PDE7B: variants seen among roughly 807,000 people sequenced by gnomAD.
PDE7B encodes phosphodiesterase 7B.
PDE7B carries 29 observed loss-of-function variants against 56.2 expected under a neutral mutation model. The observed-to-expected ratio is 0.52, with a 90% CI of 0.38 to 0.70. PDE7B has a LOEUF of 0.70. Ranked by LOEUF, PDE7B falls within the 30% of genes least tolerant of loss-of-function variation. The pLI, the probability that PDE7B is intolerant of heterozygous loss-of-function variation, is 0.00. For missense variants in PDE7B, 490 were observed against 565.0 expected, an observed-to-expected ratio of 0.87 and a Z score of 1.35; for synonymous variants, 197 against 196.9, an observed-to-expected ratio of 1.00 and a Z score of 0.00.
At chr6:136,173,522 G>T (rs1232000502) in intron 8 of PDE7B, among the ~76,000 whole-genome samples, 1 of 152,158 alleles carries the variant, frequency 6.6e-6, no homozygotes, top group Non-Finnish European at 1.5e-5. Context: ...TGGAAGAGGG[G>T]CAGAGGCAGG....
intron 2 of PDE7B, among the ~76,000 whole-genome samples, chr6:136,063,659 C>T (rs1005187029): frequency 5.3e-5 from 8 of 152,216 alleles, no homozygotes; most frequent in African/African-American, 1.7e-4. Context: ...GGCCATAAGG[C>T]AGCCCCGCCC....
At chr6:135,937,636 A>C (rs1774444843) in intron 1 of PDE7B, among the ~76,000 whole-genome samples, 1 of 152,204 alleles carries the variant, frequency 6.6e-6, no homozygotes, top group Non-Finnish European at 1.5e-5. Context: ...GGATGTAGCC[A>C]GTTTGGCTGA....
At chr6:136,016,452 C>T (rs1173405797) in intron 2 of PDE7B, among the ~76,000 whole-genome samples, 1 of 152,174 alleles carries the variant, frequency 6.6e-6, no homozygotes, top group Non-Finnish European at 1.5e-5. Context: ...TACCTGGCAC[C>T]TAATAAGCGC....
At chr6:136,037,655 T>A in intron 2 of PDE7B, 1 of 985,418 alleles carries the variant, frequency 1.0e-6, no homozygotes, top group Non-Finnish European at 1.2e-6. Flanking sequence ...CCTGAGCCTG[T>A]ACCACAGGGG....
rs1014435470 is a variant in PDE7B, at chr6:135,930,831, A to G, written c.22-16633A>G. ...CTACAATATACTTTCATGATTTGCC[A>G]TAAGATTTCTGAGGCTACTTGGAGT... is the stretch of plus-strand genomic sequence containing the variant. On this transcript the variant is annotated intron_variant, in intron 1 of 12. Transcript: ENST00000308191. Among the ~76,000 whole-genome samples, 9 of 152,340 alleles carry G rather than the reference A, an allele frequency of 5.9e-5. No individual in the cohort carries two copies. In the South Asian group the frequency reaches 1.9e-3, roughly 32 times the overall value.
At chr6:136,061,048 C>A (rs1036270262) in intron 2 of PDE7B, among the ~76,000 whole-genome samples, 3 of 151,946 alleles carry the variant, frequency 2.0e-5, no homozygotes, top group Non-Finnish European at 2.9e-5. Flanking sequence ...AAGGCAAATA[C>A]TATGAAGTTG....
Position 135,899,428 on chromosome 6 carries a change from AATATAG to A in PDE7B, c.21+47421_21+47426del, listed in dbSNP as rs1435386159. 4.6e-5 allele frequency among the ~76,000 whole-genome samples: 7 copies of A among 150,622 alleles called. No homozygotes were observed. In the South Asian group the frequency reaches 8.3e-4, roughly 18 times the overall value. ...TATATATAGATTATTATGTATATAT[AATATAG>A]ATATAGATATATATGAGATCTATAT... is the stretch of plus-strand genomic sequence containing the variant. On this transcript the variant is annotated intron_variant, in intron 1 of 12. Transcript: ENST00000308191.
chr6:136,130,831 T>A (rs947948024), intron 3 of PDE7B, among the ~76,000 whole-genome samples: 3 of 152,168 alleles, frequency 2.0e-5, no homozygotes, highest in African/African-American at 4.8e-5. Flanking sequence ...GAAAGGCATG[T>A]CTTACATGGC....
intron 8 of PDE7B, among the ~76,000 whole-genome samples, chr6:136,168,592 T>G (rs761323320): frequency 6.6e-6 from 1 of 152,036 alleles, no homozygotes; most frequent in African/African-American, 2.4e-5. Context: ...GAGGATGACT[T>G]GAAGAAAAAC....
At chr6:136,182,080 C>G (rs980452806) in intron 11 of PDE7B, among the ~76,000 whole-genome samples, 1 of 152,078 alleles carries the variant, frequency 6.6e-6, no homozygotes, top group Non-Finnish European at 1.5e-5. Flanking sequence ...AGGCTGAGAA[C>G]AAATAAAGCT....
chr6:136,087,702 G>A (rs1319867989), intron 2 of PDE7B, among the ~76,000 whole-genome samples: 1 of 152,146 alleles, frequency 6.6e-6, no homozygotes, highest in African/African-American at 2.4e-5. Context: ...GGCTTCTCTA[G>A]AAGGAAGGTG....
chr6:135,909,560 C>G (rs1444449614), intron 1 of PDE7B, among the ~76,000 whole-genome samples: 1 of 152,018 alleles, frequency 6.6e-6, no homozygotes, highest in Non-Finnish European at 1.5e-5. Flanking sequence ...GAGCCGAGAT[C>G]ATGCCACTGC....
intron 1 of PDE7B, among the ~76,000 whole-genome samples, chr6:135,924,319 G>A (rs916936454): frequency 1.3e-5 from 2 of 152,146 alleles, no homozygotes; most frequent in African/African-American, 4.8e-5. Context: ...AAAGGATATT[G>A]TACCATATGG....
chr6:136,062,808 G>T (rs1325377013), intron 2 of PDE7B, among the ~76,000 whole-genome samples: 1 of 152,078 alleles, frequency 6.6e-6, no homozygotes, highest in Non-Finnish European at 1.5e-5. Flanking sequence ...AGTTTCCAAG[G>T]CCCCAGATTG....
At chr6:136,075,049 C>T (rs1455619871) in intron 2 of PDE7B, among the ~76,000 whole-genome samples, 1 of 152,100 alleles carries the variant, frequency 6.6e-6, no homozygotes, top group Non-Finnish European at 1.5e-5. Flanking sequence ...TAAGGAAAAA[C>T]TTCTGAAACA....
intron 2 of PDE7B, among the ~76,000 whole-genome samples, chr6:136,030,041 A>T (rs990242211): frequency 3.3e-5 from 5 of 152,240 alleles, no homozygotes; most frequent in Non-Finnish European, 7.3e-5. Context: ...CTAGTTTTTA[A>T]TGCAATATCT....
chr6:135,983,563 A>G (rs1365172486), intron 2 of PDE7B, among the ~76,000 whole-genome samples: 2 of 152,166 alleles, frequency 1.3e-5, no homozygotes, highest in African/African-American at 4.8e-5. Context: ...TAAAGCCTAT[A>G]AAGGTTTTTT....
intron 2 of PDE7B, among the ~76,000 whole-genome samples, chr6:135,997,318 TG>T (rs911378878): frequency 7.1e-6 from 1 of 140,900 alleles, no homozygotes; most frequent in Non-Finnish European, 1.5e-5. Flanking sequence ...GGAGGCTGAG[TG>T]GGGAGGATAG....
chr6:136,069,141 A>C (rs761375208), intron 2 of PDE7B, among the ~76,000 whole-genome samples: 2 of 152,166 alleles, frequency 1.3e-5, no homozygotes, highest in Admixed American at 1.3e-4. Flanking sequence ...GGAGGGATCA[A>C]TTCAGTTGGT....
Sources: allele counts gnomAD v4.1 joint callset (sites outside exome capture counted in the v4.1 genomes callset), GRCh38; gene constraint gnomAD v4.1.1; transcripts MANE v1.5; gene names NCBI Gene and HGNC (gene_info 2026-07-23, HGNC 2026-07-21).